NAP1L1: variants seen among roughly 807,000 people sequenced by gnomAD.
The protein encoded by NAP1L1 is nucleosome assembly protein 1-like 1.
NAP1L1 carries 9 observed loss-of-function variants against 58.9 expected under a neutral mutation model. That is an observed-to-expected ratio of 0.15 (90% CI 0.09 to 0.27). The LOEUF (loss-of-function observed/expected upper bound fraction) is 0.27. NAP1L1 is among the 10% of genes least tolerant of loss of function. The pLI is 1.00. For synonymous variants in NAP1L1, 130 were observed against 138.3 expected (o/e 0.94, Z 0.42); for missense variants, 302 against 458.8 (o/e 0.66, Z 3.12).
chr12:76,076,481 C>T (rs1276601912), intron 1 of NAP1L1, among the ~76,000 whole-genome samples: 1 of 147,524 alleles, frequency 6.8e-6, no homozygotes, highest in Non-Finnish European at 1.5e-5. Flanking sequence ...TGAAACAGAT[C>T]TGAGTTGATA....
chr12:76,060,021 T>G, intron 5 of NAP1L1, 117 bp downstream of exon 5: 1 of 1,233,796 alleles, frequency 8.1e-7, no homozygotes, highest in Non-Finnish European at 1.1e-6. Flanking sequence ...CTCCAAGTGC[T>G]GCCTCTAATA....
chr12:76,068,482 A>C (rs1949785875), intron 3 of NAP1L1: 1 of 152,966 alleles, frequency 6.5e-6, no homozygotes, highest in Non-Finnish European at 1.5e-5. Flanking sequence ...TAAATTGTGA[A>C]TATTACCTAC....
In NAP1L1 at chr12:76,055,009, G is replaced by C. The variant is rs775812188; in HGVS notation, c.630+10C>G. On this transcript the variant is annotated intron_variant, in intron 8 of 14. Transcript: ENST00000618691. ...GTTACAAAATTATAAATATTTCAAAGTTCTTTTACCATAGGCTGGCCAGCA... is the reference window on the plus strand; with the variant it reads ...GTTACAAAATTATAAATATTTCAAACTTCTTTTACCATAGGCTGGCCAGCA... 1 of 1,582,032 alleles carries C rather than the reference G, an allele frequency of 6.3e-7. No individual in the cohort carries two copies. Among genetic ancestry groups the C allele is most frequent in the East Asian group, 2.3e-5 (1 of 44,386 alleles).
intron 1 of NAP1L1, among the ~76,000 whole-genome samples, chr12:76,081,534 A>C (rs759189846): frequency 3.3e-5 from 5 of 152,192 alleles, no homozygotes; most frequent in Non-Finnish European, 7.3e-5. Context: ...GGCATTTAAG[A>C]CCAGCCAGGG....
chr12:76,060,802 C>T (rs1949371597), intron 4 of NAP1L1, among the ~76,000 whole-genome samples: 1 of 152,100 alleles, frequency 6.6e-6, no homozygotes. Context: ...TTTAAAATAA[C>T]AGCTTTAGGG....
rs1948539344 is a variant in NAP1L1, at chr12:76,040,090, C to T, written c.*8339G>A. Reference sequence around the variant, plus strand: ...TTATAGCTGGAAATCAATTGTCCAGCTATAATTCAAGTAAAAGATTCCAAA... The same window carrying T: ...TTATAGCTGGAAATCAATTGTCCAGTTATAATTCAAGTAAAAGATTCCAAA... On this transcript the variant is annotated 3_prime_UTR_variant, in exon 15 of 15. Coordinates refer to ENST00000618691, the MANE Select transcript of NAP1L1 (RefSeq NM_004537.7). The T allele has an allele frequency of 6.6e-6, 1 of 152,048 alleles. No homozygotes were observed. Among genetic ancestry groups the T allele is most frequent in the African/African-American group, 2.4e-5 (1 of 41,398 alleles). The allele number at this position is 152,048 out of a possible 1,614,324, so 9.4% of individuals were successfully genotyped here.
intron 1 of NAP1L1, among the ~76,000 whole-genome samples, 190 bp downstream of exon 1, chr12:76,084,377 G>A (rs955555772): frequency 6.6e-6 from 1 of 152,102 alleles, no homozygotes; most frequent in African/African-American, 2.4e-5. Flanking sequence ...CGGCCCCGGG[G>A]CCCCTCTCAG....
Position 76,037,503 on chromosome 12 carries a change from G to A in NAP1L1, c.*10926C>T, listed in dbSNP as rs1871077132. 1.3e-5 allele frequency: 2 copies of A among 152,128 alleles called. No homozygotes were observed. The highest frequency in any genetic ancestry group is 1.3e-4 in the Admixed American group (2 of 15,272). The allele number at this position is 152,128 out of a possible 1,614,324, so 9.4% of individuals were successfully genotyped here. ...CACCTGATCCATACTCATACACATG[G>A]CCTTCAGTTTTACTCTTAAAACATG... On this transcript the variant is annotated 3_prime_UTR_variant, in exon 15 of 15. Transcript: ENST00000618691.
rs142697115 is a variant in NAP1L1, at chr12:76,062,561, A to G, written c.207-2282T>C. 1.4e-4 allele frequency among the ~76,000 whole-genome samples: 21 copies of G among 152,348 alleles called. No individual in the cohort carries two copies. In the East Asian group the frequency reaches 4.0e-3, roughly 29 times the overall value. On this transcript the variant is annotated intron_variant, in intron 4 of 14. Coordinates refer to ENST00000618691, the MANE Select transcript of NAP1L1 (RefSeq NM_004537.7). ...GAGATGAGGAAGATTGACATGCAAC[A>G]AGACCAAGAAATCTACAACAGACTG...
chr12:76,066,133 TAAATAAACAAAC>T (rs66951697), intron 4 of NAP1L1, among the ~76,000 whole-genome samples: 55,827 of 108,190 alleles, frequency 0.52, 11,863 homozygotes, highest in East Asian at 0.62. Context: ...AATAAATAAA[TAAATAAACAAAC>T]AAACAAACAA....
At chr12:76,050,222 TAAAG>T (rs1264380443) in intron 12 of NAP1L1, among the ~76,000 whole-genome samples, 2 of 152,140 alleles carry the variant, frequency 1.3e-5, no homozygotes, top group Admixed American at 6.5e-5. Context: ...TCTTGTGCAC[TAAAG>T]AAAGTCCTAG....
Position 76,046,178 on chromosome 12 carries a change from A to T in NAP1L1, c.*2251T>A, listed in dbSNP as rs1948604010. Reference sequence around the variant, plus strand: ...ACCCAAAATATCACCAGTACATTTTATAAAATTAAATCCAAATTTTATTAA... The same window carrying T: ...ACCCAAAATATCACCAGTACATTTTTTAAAATTAAATCCAAATTTTATTAA... On this transcript the variant is annotated 3_prime_UTR_variant, in exon 15 of 15. Coordinates refer to ENST00000618691, the MANE Select transcript of NAP1L1 (RefSeq NM_004537.7). The T allele has an allele frequency of 6.6e-6, 1 of 152,150 alleles. No individual in the cohort carries two copies. The highest frequency in any genetic ancestry group is 1.5e-5 in the Non-Finnish European group (1 of 67,930). The allele number at this position is 152,150 out of a possible 1,614,324, so 9.4% of individuals were successfully genotyped here.
chr12:76,076,549 AATATAT>A lies in NAP1L1; in HGVS notation c.-20-2316_-20-2311del, dbSNP rs58649228. On this transcript the variant is annotated intron_variant, in intron 1 of 14. Transcript: ENST00000618691. ...TGCCGAAATCCCCTTTGGATATGGA[AATATAT>A]ATATATATATATATATATATATATA... Among the ~76,000 whole-genome samples the A allele has an allele frequency of 8.4e-3, 1,009 of 120,508 alleles. 9 individuals carry two copies. Among genetic ancestry groups the A allele is most frequent in the Middle Eastern group, 0.015 (3 of 202 alleles). The allele number at this position is 120,508 out of a possible 152,430, so 79.1% of individuals were successfully genotyped here. A position where few individuals can be genotyped will look rare whatever the true frequency, so the allele number is the denominator to read the frequency against.
At chr12:76,050,140 C>G (rs1054653240) in intron 12 of NAP1L1, among the ~76,000 whole-genome samples, 6 of 152,152 alleles carry the variant, frequency 3.9e-5, no homozygotes, top group African/African-American at 1.4e-4. Context: ...CATCTATATG[C>G]AACCTAATCT....
rs1391229429 is a variant in NAP1L1 at position 76,044,042 on chromosome 12, T to C, written c.*4387A>G. ...GCTCATGCTTGTAATCCCAGCACTT[T>C]TGAGAGGCCAGCACTTTGAGAGGCT... is the stretch of plus-strand genomic sequence containing the variant. On this transcript the variant is annotated 3_prime_UTR_variant, in exon 15 of 15. Transcript: ENST00000618691. 6.6e-6 allele frequency: 1 copy of C among 152,018 alleles called. No individual in the cohort carries two copies. The highest frequency in any genetic ancestry group is 2.4e-5 in the African/African-American group (1 of 41,320). 9.4% of individuals were successfully genotyped at this position (152,018 alleles called of 1,614,324 possible). A position where few individuals can be genotyped will look rare whatever the true frequency, so the allele number is the denominator to read the frequency against.
At position 76,046,372 on chromosome 12, in the gene NAP1L1, C is replaced by G. The variant is rs771692489; in HGVS notation, c.*2057G>C. 2.0e-5 allele frequency: 3 copies of G among 152,228 alleles called. No homozygotes were observed. Among genetic ancestry groups the G allele is most frequent in the African/African-American group, 7.2e-5 (3 of 41,388 alleles). The allele number at this position is 152,228 out of a possible 1,614,324, so 9.4% of individuals were successfully genotyped here. A position where few individuals can be genotyped will look rare whatever the true frequency, so the allele number is the denominator to read the frequency against. ...AGACTAGGTATTATCTACACCTTCA[C>G]TTTGGCAATAGCTATTTCCTAAAGA... On this transcript the variant is annotated 3_prime_UTR_variant, in exon 15 of 15. Coordinates refer to ENST00000618691, the MANE Select transcript of NAP1L1 (RefSeq NM_004537.7).
At chr12:76,055,235 G>T in intron 7 of NAP1L1, 145 bp from the exon 8 acceptor site, 1 of 504,216 alleles carries the variant, frequency 2.0e-6, no homozygotes, top group Non-Finnish European at 3.4e-6. Flanking sequence ...TTACTCTCCA[G>T]GTTATGGCTT....
chr12:76,076,549 AATATATATATATATATAT>A (rs58649228), intron 1 of NAP1L1, among the ~76,000 whole-genome samples: 7,962 of 120,496 alleles, frequency 0.066, 577 homozygotes, highest in African/African-American at 0.15. Context: ...TGGATATGGA[AATATATATATATATATAT>A]ATATATATAT....
At chr12:76,062,902 G>T (rs1949483705) in intron 4 of NAP1L1, among the ~76,000 whole-genome samples, 1 of 152,106 alleles carries the variant, frequency 6.6e-6, no homozygotes, top group Non-Finnish European at 1.5e-5. Context: ...TTCTAAAGGT[G>T]TCCAGTGAGA....
Sources: allele counts gnomAD v4.1 joint callset (sites outside exome capture counted in the v4.1 genomes callset), GRCh38; gene constraint gnomAD v4.1.1; transcripts MANE v1.5; gene names NCBI Gene and HGNC (gene_info 2026-07-23, HGNC 2026-07-21).